The following SLC25A37 variants were observed in gnomAD, a reference collection of about 807,000 sequenced individuals.
SLC25A37 encodes the protein mitoferrin-1.
Under a neutral mutation model 31.0 loss-of-function variants are expected in SLC25A37, and 17 were observed. That is an observed-to-expected ratio of 0.55 (90% CI 0.38 to 0.82). SLC25A37 has a LOEUF of 0.82. SLC25A37 is among the 40% of genes least tolerant of loss of function. The pLI, the probability that SLC25A37 is intolerant of heterozygous loss-of-function variation, is 0.00. For synonymous variants in SLC25A37, 222 were observed against 193.0 expected (o/e 1.15, Z -1.24); for missense variants, 404 against 465.8 (o/e 0.87, Z 1.22).
chr8:23,542,772 G>T (rs1435103063), intron 1 of SLC25A37, among the ~76,000 whole-genome samples: 1 of 151,102 alleles, frequency 6.6e-6, no homozygotes, highest in Non-Finnish European at 1.5e-5. Flanking sequence ...ATCACAGGAG[G>T]TGCCAGCTGC....
intron 1 of SLC25A37, among the ~76,000 whole-genome samples, chr8:23,546,535 ATATATATATATATATATAGTG>A (rs1392723464): frequency 0.26 from 4,211 of 16,124 alleles, 154 homozygotes; most frequent in Admixed American, 0.33. Context: ...ATAGGTGTAT[ATATATATATATATATATAGTG>A]TATATATATA....
chr8:23,546,562 A>AG (rs1563256143), intron 1 of SLC25A37, among the ~76,000 whole-genome samples: 1,232 of 93,310 alleles, frequency 0.013, 42 homozygotes, highest in African/African-American at 0.07. Flanking sequence ...TAGTGTATAT[A>AG]TATATATATA....
chr8:23,565,502 AG>A (rs1028707746), intron 1 of SLC25A37, among the ~76,000 whole-genome samples: 3 of 150,288 alleles, frequency 2.0e-5, no homozygotes, highest in Non-Finnish European at 3.0e-5. Flanking sequence ...AAAAAAAAAA[AG>A]AAATTAAGAA....
chr8:23,559,345 G>GTGTGTGTGCA lies in SLC25A37; in HGVS notation c.211-6754_211-6753insATGTGTGTGC, dbSNP rs1213982539. Among the ~76,000 whole-genome samples, 6 of 103,852 alleles carry GTGTGTGTGCA rather than the reference G, an allele frequency of 5.8e-5. No individual in the cohort carries two copies. In the East Asian group the frequency reaches 1.5e-3, roughly 27 times the overall value. The allele number at this position is 103,852 out of a possible 152,430, so 68.1% of individuals were successfully genotyped here. Reference sequence around the variant, plus strand: ...AAATTCTCTGTCTCCGGTTGTGTGTGTGTGTGTGCGTGTGTGTGCGCGCGC... The same window carrying GTGTGTGTGCA: ...AAATTCTCTGTCTCCGGTTGTGTGTGTGTGTGTGCATGTGTGTGCGTGTGTGTGCGCGCGC... On this transcript the variant is annotated intron_variant, in intron 1 of 3. Transcript: ENST00000519973.
chr8:23,553,452 A>C (rs11345065), intron 1 of SLC25A37, among the ~76,000 whole-genome samples: 35,089 of 150,288 alleles, frequency 0.23, 4,414 homozygotes, highest in South Asian at 0.31. Flanking sequence ...CAAAAAAAAA[A>C]CCAACAATTT....
intron 1 of SLC25A37, among the ~76,000 whole-genome samples, chr8:23,538,478 C>G (rs950844233): frequency 2.0e-5 from 3 of 149,232 alleles, no homozygotes; most frequent in African/African-American, 7.5e-5. Flanking sequence ...TGAATCCATG[C>G]ATGTTATGGC....
intron 1 of SLC25A37, among the ~76,000 whole-genome samples, chr8:23,559,120 G>C (rs951615053): frequency 3.9e-5 from 6 of 152,222 alleles, no homozygotes; most frequent in African/African-American, 1.4e-4. Context: ...CAGAGGTTTA[G>C]GAAGTGCCTT....
In SLC25A37 at chr8:23,529,405, G is replaced by A. The variant is rs904736923; in HGVS notation, c.210+193G>A. 5.9e-5 allele frequency among the ~76,000 whole-genome samples: 9 copies of A among 151,672 alleles called. No individual in the cohort carries two copies. Among genetic ancestry groups the A allele is most frequent in the Middle Eastern group, 3.4e-3 (1 of 292 alleles). On this transcript the variant is annotated intron_variant, in intron 1 of 3. Coordinates refer to ENST00000519973, the MANE Select transcript of SLC25A37 (RefSeq NM_016612.4). This position sits in a 1 kb window ranked among gnomAD's most constrained non-coding sequence, Gnocchi z 4.1. ...CGCGCCTTCCGCCGACCCCGCGAGG[G>A]TGCCCGGTCCTCGCCCCGCACCGCC...
At chr8:23,538,300 G>C (rs978543334) in intron 1 of SLC25A37, among the ~76,000 whole-genome samples, 10 of 136,778 alleles carry the variant, frequency 7.3e-5, no homozygotes, top group Non-Finnish European at 1.4e-4. Flanking sequence ...AGAATCACTT[G>C]AACCTGGGAG....
At chr8:23,532,810 C>T (rs1036255477) in intron 1 of SLC25A37, among the ~76,000 whole-genome samples, 1 of 152,224 alleles carries the variant, frequency 6.6e-6, no homozygotes, top group Admixed American at 6.5e-5. Flanking sequence ...GACTTCTCCT[C>T]TTCTGAGTTT....
At chr8:23,532,355 C>G (rs1209560895) in intron 1 of SLC25A37, among the ~76,000 whole-genome samples, 1 of 152,196 alleles carries the variant, frequency 6.6e-6, no homozygotes, top group East Asian at 1.9e-4. Flanking sequence ...GTGGCAATGA[C>G]TTACTCCTGT....
intron 1 of SLC25A37, among the ~76,000 whole-genome samples, chr8:23,530,870 A>G (rs1302275966): frequency 6.6e-6 from 1 of 152,086 alleles, no homozygotes; most frequent in African/African-American, 2.4e-5. Context: ...CCTTCTGAGC[A>G]CCCTTTGACA....
chr8:23,545,520 G>A (rs957890533), intron 1 of SLC25A37, among the ~76,000 whole-genome samples: 2 of 152,216 alleles, frequency 1.3e-5, no homozygotes, highest in African/African-American at 2.4e-5. Context: ...GTGCGGTGAC[G>A]GGCACAGACC....
At chr8:23,566,476 A>T (rs1040002429) in intron 2 of SLC25A37, 140 bp downstream of exon 2, 11 of 1,458,702 alleles carry the variant, frequency 7.5e-6, no homozygotes, top group African/African-American at 4.5e-5. Flanking sequence ...TGTGTGTGCA[A>T]TGCACACCCA....
At chr8:23,545,249 A>G (rs1323930451) in intron 1 of SLC25A37, among the ~76,000 whole-genome samples, 2 of 152,188 alleles carry the variant, frequency 1.3e-5, no homozygotes, top group East Asian at 1.9e-4. Context: ...GGAGGCTCAG[A>G]TTCGTGTGTC....
At chr8:23,553,035 G>A (rs951399182) in intron 1 of SLC25A37, among the ~76,000 whole-genome samples, 1 of 152,180 alleles carries the variant, frequency 6.6e-6, no homozygotes, top group Non-Finnish European at 1.5e-5. Context: ...GGGTTGATGT[G>A]CATGTACGGT....
chr8:23,551,703 C>T (rs1802230247), intron 1 of SLC25A37, among the ~76,000 whole-genome samples: 1 of 152,062 alleles, frequency 6.6e-6, no homozygotes, highest in South Asian at 2.1e-4. Flanking sequence ...GCCCCACTTA[C>T]AGATAAGAAA....
intron 1 of SLC25A37, among the ~76,000 whole-genome samples, chr8:23,548,807 G>A (rs1013192239): frequency 2.0e-5 from 3 of 152,142 alleles, no homozygotes; most frequent in African/African-American, 7.2e-5. Context: ...TGGAAACACA[G>A]CATTAAGGGT....
At chr8:23,543,002 A>G (rs977265993) in intron 1 of SLC25A37, 2 of 152,286 alleles carry the variant, frequency 1.3e-5, no homozygotes, top group African/African-American at 4.8e-5. Context: ...ACAAGAGTCA[A>G]AAAGTCAAAA....
Sources: gnomAD v4.1 joint callset for allele counts (sites outside exome capture counted in the v4.1 genomes callset) on GRCh38, gnomAD v4.1.1 for gene constraint, Gnocchi (gnomAD v3.1) non-coding constraint, MANE v1.5 for transcripts, NCBI Gene and HGNC (gene_info 2026-07-23, HGNC 2026-07-21) for gene names.